Variants in RBFOX1 observed in about 807,000 individuals in gnomAD.
The protein encoded by RBFOX1 is RNA binding fox-1 homolog 1, also known as RNA binding protein fox-1 homolog 1.
A neutral mutation model predicts 57.7 loss-of-function variants in RBFOX1; 8 were observed. That is an observed-to-expected ratio of 0.14 (90% confidence interval 0.08 to 0.25). RBFOX1 has a LOEUF of 0.25. RBFOX1 is among the 10% of genes least tolerant of loss of function. The probability of loss-of-function intolerance (pLI) is 1.00; values close to 1 mark genes in which losing one functional copy is unlikely to be tolerated. For missense variants in RBFOX1, 611 were observed against 548.5 expected, an observed-to-expected ratio of 1.11 and a Z score of -1.14; for synonymous variants, 326 against 222.4, an observed-to-expected ratio of 1.47 and a Z score of -4.15.
chr16:6,554,807 AAC>A (rs777174204), intron 2 of RBFOX1, among the ~76,000 whole-genome samples: 1 of 151,314 alleles, frequency 6.6e-6, no homozygotes, highest in African/African-American at 2.4e-5. Flanking sequence ...CACACAGATA[AAC>A]ACACAGACAC....
chr16:6,286,207 A>AC (rs1327951700), intron 1 of RBFOX1, among the ~76,000 whole-genome samples: 1 of 151,816 alleles, frequency 6.6e-6, no homozygotes, highest in African/African-American at 2.4e-5. Flanking sequence ...TCCATTTTTA[A>AC]CCCCCCATCC....
chr16:7,713,329 T>C lies in RBFOX1; in HGVS notation c.*2584T>C, dbSNP rs1469018846. ...TAATATCAAAAAAATAAAAGCTTAG[T>C]CTGAAAAGGTACAAGTTGGTGTTCT... On this transcript the variant is annotated 3_prime_UTR_variant, in exon 16 of 16. Coordinates refer to ENST00000550418, the MANE Select transcript of RBFOX1 (RefSeq NM_018723.4). The C allele has an allele frequency of 6.6e-6, 1 of 152,192 alleles. No individual in the cohort carries two copies. Among genetic ancestry groups the C allele is most frequent in the Non-Finnish European group, 1.5e-5 (1 of 68,042 alleles). The allele number at this position is 152,192 out of a possible 1,614,324, so 9.4% of individuals were successfully genotyped here.
Position 6,743,881 on chromosome 16 carries a change from A to G in RBFOX1, c.-16+89231A>G, listed in dbSNP as rs75732072. 8.5e-3 allele frequency among the ~76,000 whole-genome samples: 1,199 copies of G among 140,966 alleles called. 28 individuals are homozygous for G. The highest frequency in any genetic ancestry group is 0.031 in the African/African-American group (1,139 of 37,170). The allele number at this position is 140,966 out of a possible 152,430, so 92.5% of individuals were successfully genotyped here. A position where few individuals can be genotyped will look rare whatever the true frequency, so the allele number is the denominator to read the frequency against. On this transcript the variant is annotated intron_variant, in intron 3 of 15. Transcript: ENST00000550418. ...TTATTTGTAACACATTTTCCTATAC[A>G]TTAATTAAGGATATTAACCATTCAT...
chr16:6,787,253 C>G (rs1403462673), intron 3 of RBFOX1, among the ~76,000 whole-genome samples: 1 of 152,140 alleles, frequency 6.6e-6, no homozygotes, highest in Non-Finnish European at 1.5e-5. Context: ...AGTTCCCTAA[C>G]TGATCGGCCC....
intron 1 of RBFOX1, among the ~76,000 whole-genome samples, chr16:6,113,365 A>G (rs1462702820): frequency 6.6e-6 from 1 of 152,354 alleles, no homozygotes; most frequent in East Asian, 1.9e-4. Flanking sequence ...AGCCACCATT[A>G]GGCTATGATA....
chr16:6,075,198 C>G (rs994114904), intron 1 of RBFOX1, among the ~76,000 whole-genome samples: 1 of 152,132 alleles, frequency 6.6e-6, no homozygotes, highest in Non-Finnish European at 1.5e-5. Flanking sequence ...TGAAATTAAC[C>G]AAAAGGTTGA....
intron 3 of RBFOX1, among the ~76,000 whole-genome samples, chr16:6,950,116 T>TTG (rs1309622357): frequency 8.6e-6 from 1 of 115,952 alleles, no homozygotes; most frequent in Non-Finnish European, 2.1e-5. Flanking sequence ...AGAGGTAATT[T>TTG]TTTTTTTTTT....
chr16:6,215,981 G>A (rs1187230082), intron 1 of RBFOX1, among the ~76,000 whole-genome samples: 2 of 152,136 alleles, frequency 1.3e-5, no homozygotes, highest in African/African-American at 4.8e-5. Context: ...CCTTTGCAGG[G>A]ACATGGATGG....
At chr16:6,147,269 G>T (rs1221847358) in intron 1 of RBFOX1, among the ~76,000 whole-genome samples, 1 of 152,142 alleles carries the variant, frequency 6.6e-6, no homozygotes. Context: ...GGTGGTGATT[G>T]TTTTTCATAC....
chr16:5,322,893 C>G (rs982920126), intron 1 of RBFOX1, among the ~76,000 whole-genome samples: 1 of 152,198 alleles, frequency 6.6e-6, no homozygotes, highest in Non-Finnish European at 1.5e-5. Context: ...TCAGTGGTTT[C>G]TCTTCCGGCA....
chr16:7,542,446 G>A (rs1016165423), intron 5 of RBFOX1, among the ~76,000 whole-genome samples: 3 of 151,978 alleles, frequency 2.0e-5, no homozygotes, highest in Non-Finnish European at 4.4e-5. Flanking sequence ...CAAGTGCAGA[G>A]GAAGGAGAAC....
At chr16:6,152,493 A>T (rs985262225) in intron 1 of RBFOX1, among the ~76,000 whole-genome samples, 3 of 152,234 alleles carry the variant, frequency 2.0e-5, no homozygotes, top group Admixed American at 2.0e-4. Flanking sequence ...GATGAAAGTC[A>T]GATCAGCTCA....
intron 4 of RBFOX1, among the ~76,000 whole-genome samples, chr16:7,511,216 A>C (rs1035792261): frequency 1.2e-4 from 18 of 152,222 alleles, no homozygotes; most frequent in Admixed American, 2.0e-4. Context: ...TTTTCAGTTG[A>C]AATACGGTTT....
chr16:6,291,254 G>A (rs1006194204), intron 1 of RBFOX1, among the ~76,000 whole-genome samples: 1 of 152,096 alleles, frequency 6.6e-6, no homozygotes, highest in Non-Finnish European at 1.5e-5. Context: ...AACCATCTGG[G>A]AATGCAGCCC....
chr16:5,760,610 G>C (rs1189399719), intron 3 of RBFOX1, among the ~76,000 whole-genome samples: 2 of 152,144 alleles, frequency 1.3e-5, no homozygotes, highest in East Asian at 3.9e-4. Context: ...GATGAACCTT[G>C]AAAACATGAT....
At chr16:6,903,376 A>G (rs932588103) in intron 3 of RBFOX1, among the ~76,000 whole-genome samples, 3 of 152,236 alleles carry the variant, frequency 2.0e-5, no homozygotes, top group African/African-American at 7.2e-5. Flanking sequence ...ACCATTGCAC[A>G]GATTCTAACA....
At chr16:5,598,800 G>T in intron 2 of RBFOX1, 1 of 866,822 alleles carries the variant, frequency 1.2e-6, no homozygotes, top group South Asian at 1.8e-5. Context: ...TAAACGTGGT[G>T]AGACATTCTG....
At chr16:7,420,791 G>C (rs2098533613) in intron 4 of RBFOX1, among the ~76,000 whole-genome samples, 1 of 149,052 alleles carries the variant, frequency 6.7e-6, no homozygotes, top group South Asian at 2.1e-4. Context: ...TATAAGATCT[G>C]TTCTCTATAG....
chr16:5,801,993 T>A (rs1471770521), intron 3 of RBFOX1, among the ~76,000 whole-genome samples: 3 of 152,156 alleles, frequency 2.0e-5, no homozygotes, highest in Admixed American at 1.3e-4. Flanking sequence ...TGCCTGGGTC[T>A]GCTGGAGGCT....
Sources: gnomAD v4.1 joint callset for allele counts (sites outside exome capture counted in the v4.1 genomes callset) on GRCh38, gnomAD v4.1.1 for gene constraint, MANE v1.5 for transcripts, NCBI Gene and HGNC (gene_info 2026-07-23, HGNC 2026-07-21) for gene names.